SUMF1: variants seen among roughly 807,000 people sequenced by gnomAD.
SUMF1 encodes the protein sulfatase modifying factor 1.
A neutral mutation model predicts 47.6 loss-of-function variants in SUMF1; 48 were observed. The observed-to-expected ratio is 1.01, with a 90% CI of 0.80 to 1.28. The LOEUF is 1.28. Among genes scored for constraint, SUMF1 ranks in the 50% most tolerant of loss-of-function variants. SUMF1 has a pLI of 0.00. For synonymous variants in SUMF1, 230 were observed against 192.1 expected (o/e 1.20, Z -1.63); for missense variants, 571 against 485.4 (o/e 1.18, Z -1.66).
At chr3:4,089,114 C>T (rs1299027518) in intron 8 of SUMF1, among the ~76,000 whole-genome samples, 1 of 152,100 alleles carries the variant, frequency 6.6e-6, no homozygotes, top group African/African-American at 2.4e-5. Context: ...ACATGAAGTG[C>T]AGATTATGTA....
chr3:4,432,004 A>G (rs1409624473), intron 3 of SUMF1, among the ~76,000 whole-genome samples: 2 of 151,992 alleles, frequency 1.3e-5, no homozygotes, highest in Admixed American at 6.6e-5. Context: ...AGAGTTCCCA[A>G]TCTATAGCTA....
intron 3 of SUMF1, among the ~76,000 whole-genome samples, chr3:4,434,484 A>T (rs145084404): frequency 6.6e-6 from 1 of 152,218 alleles, no homozygotes; most frequent in African/African-American, 2.4e-5. Flanking sequence ...CGCAACAGTA[A>T]AGGAAATTTA....
chr3:4,424,759 T>A (rs1001697899), intron 3 of SUMF1, among the ~76,000 whole-genome samples: 2 of 152,242 alleles, frequency 1.3e-5, no homozygotes, highest in Non-Finnish European at 2.9e-5. Context: ...AATGTATGCA[T>A]AACAATGTTT....
intron 8 of SUMF1, among the ~76,000 whole-genome samples, chr3:4,289,233 G>C (rs1005013349): frequency 2.0e-5 from 3 of 152,232 alleles, no homozygotes; most frequent in African/African-American, 4.8e-5. Flanking sequence ...GGCCAAGATA[G>C]TCCCACTTGG....
intron 9 of SUMF1, among the ~76,000 whole-genome samples, chr3:4,047,512 T>C (rs538029773): frequency 1.8e-4 from 27 of 152,290 alleles, no homozygotes; most frequent in African/African-American, 6.0e-4. Flanking sequence ...GTGACATTTC[T>C]AAATGCATTT....
intron 1 of SUMF1, among the ~76,000 whole-genome samples, chr3:4,463,490 AAAAAC>A (rs534500909): frequency 9.2e-5 from 14 of 152,242 alleles, no homozygotes; most frequent in African/African-American, 3.1e-4. Context: ...ACTCCGTCTC[AAAAAC>A]AAAACAAAAC....
intron 8 of SUMF1, among the ~76,000 whole-genome samples, chr3:4,117,822 T>C (rs1693456256): frequency 6.6e-6 from 1 of 152,026 alleles, no homozygotes; most frequent in Admixed American, 6.5e-5. Flanking sequence ...AGTACTCAGG[T>C]TCTTGGATCT....
intron 8 of SUMF1, among the ~76,000 whole-genome samples, chr3:4,369,498 T>G (rs1187793689): frequency 6.6e-6 from 1 of 152,134 alleles, no homozygotes; most frequent in Non-Finnish European, 1.5e-5. Flanking sequence ...CAGGGCCCCA[T>G]GCAGCCAAGC....
chr3:4,182,820 G>C (rs990812523), intron 8 of SUMF1, among the ~76,000 whole-genome samples: 1 of 152,078 alleles, frequency 6.6e-6, no homozygotes, highest in Non-Finnish European at 1.5e-5. Flanking sequence ...CTCACATCCT[G>C]AATCTGAGAG....
At chr3:4,313,368 T>C in intron 8 of SUMF1, 1 of 1,614,000 alleles carries the variant, frequency 6.2e-7, no homozygotes, top group Non-Finnish European at 8.5e-7. Flanking sequence ...TGGAAACATT[T>C]GTTGACCCTA....
intron 8 of SUMF1, among the ~76,000 whole-genome samples, chr3:4,209,141 T>C (rs765305306): frequency 6.6e-6 from 1 of 152,208 alleles, no homozygotes; most frequent in Non-Finnish European, 1.5e-5. Flanking sequence ...ATTATCCTTT[T>C]AATGATTCAA....
chr3:4,153,302 C>A (rs1201936846), intron 8 of SUMF1, among the ~76,000 whole-genome samples: 1 of 151,494 alleles, frequency 6.6e-6, no homozygotes, highest in African/African-American at 2.4e-5. Context: ...GCCTCGAACT[C>A]CTGGAATCAG....
intron 8 of SUMF1, among the ~76,000 whole-genome samples, chr3:4,108,420 C>T (rs977625242): frequency 1.3e-5 from 2 of 152,050 alleles, no homozygotes; most frequent in Non-Finnish European, 2.9e-5. Context: ...GTGGAGAGTT[C>T]TGTATATGTC....
chr3:4,403,915 C>T (rs1701293956), intron 7 of SUMF1, among the ~76,000 whole-genome samples: 1 of 152,326 alleles, frequency 6.6e-6, no homozygotes, highest in South Asian at 2.1e-4. Flanking sequence ...TTTTGGTGTT[C>T]TGCTCTCTTT....
chr3:4,304,972 T>TG (rs1023909563), intron 8 of SUMF1, among the ~76,000 whole-genome samples: 40 of 135,340 alleles, frequency 3.0e-4, no homozygotes, highest in South Asian at 7.4e-4. Context: ...CTCAAAGTGG[T>TG]GGGGGGGGCT....
intron 8 of SUMF1, among the ~76,000 whole-genome samples, chr3:4,204,869 T>A (rs1471445054): frequency 6.6e-6 from 1 of 152,164 alleles, no homozygotes; most frequent in African/African-American, 2.4e-5. Flanking sequence ...GTTTATCTTA[T>A]AAAATTCAGA....
chr3:4,320,190 G>A (rs886631831), intron 8 of SUMF1, among the ~76,000 whole-genome samples: 5 of 152,202 alleles, frequency 3.3e-5, no homozygotes, highest in Non-Finnish European at 5.9e-5. Context: ...AATGCAGACT[G>A]TGACAAGAGA....
At chr3:4,442,900 C>A (rs711640) in intron 3 of SUMF1, among the ~76,000 whole-genome samples, 134,996 of 151,636 alleles carry the variant, frequency 0.89, 61,440 homozygotes, top group Non-Finnish European at 0.98. Context: ...AGAGAAGAAG[C>A]AGCAGAACAA....
intron 8 of SUMF1, among the ~76,000 whole-genome samples, chr3:4,264,960 C>G (rs1697159185): frequency 1.3e-5 from 2 of 151,746 alleles, no homozygotes; most frequent in Non-Finnish European, 2.9e-5. Flanking sequence ...ATTGTGAGAC[C>G]CTATCTCTAC....
Sources: gnomAD v4.1 joint callset for allele counts (sites outside exome capture counted in the v4.1 genomes callset) on GRCh38, gnomAD v4.1.1 for gene constraint, MANE v1.5 for transcripts, NCBI Gene and HGNC (gene_info 2026-07-23, HGNC 2026-07-21) for gene names.